ITGA9: variants seen among roughly 807,000 people sequenced by gnomAD.
The protein encoded by ITGA9 is integrin alpha-9.
Under a neutral mutation model 127.8 loss-of-function variants are expected in ITGA9, and 56 were observed. The observed-to-expected ratio is 0.44, with a 90% confidence interval of 0.35 to 0.55. ITGA9 has a LOEUF of 0.55. ITGA9 is among the 20% of genes least tolerant of loss of function. ITGA9 has a pLI of 0.00. For synonymous variants in ITGA9, 508 were observed against 514.5 expected, an observed-to-expected ratio of 0.99 and a Z score of 0.17; for missense variants, 1,196 against 1,347.1, an observed-to-expected ratio of 0.89 and a Z score of 1.76.
At position 37,818,973 on chromosome 3, in the gene ITGA9, T is replaced by C. The variant is rs779091406; in HGVS notation, c.3092T>C (p.Val1031Ala). The C allele has an allele frequency of 4.3e-6, 7 of 1,613,250 alleles. 1 individual carries two copies. In the East Asian group the frequency reaches 1.6e-4, roughly 36 times the overall value. Residue 1031 changes from valine (V) to alanine (A), a missense_variant, in exon 28 of 28, where the codon GTC (valine) becomes GCC (alanine). Transcript: ENST00000264741. The stretch of plus-strand genomic sequence containing the variant: ...GAGAATGAAGACAGTTGGGACTGGG[T>C]CCAGAAAAACCAGTGAGCTGCCACA... Reference protein sequence around the residue: ...RKENEDSWDWVQKNQ With the variant: ...RKENEDSWDWAQKNQ
At chr3:37,786,466 C>T (rs1220185954) in intron 26 of ITGA9, among the ~76,000 whole-genome samples, 1 of 152,064 alleles carries the variant, frequency 6.6e-6, no homozygotes, top group Non-Finnish European at 1.5e-5. Context: ...TGGTGGTAGG[C>T]TCTTGTAATC....
intron 15 of ITGA9, among the ~76,000 whole-genome samples, chr3:37,603,827 G>A (rs1237447870): frequency 6.6e-6 from 1 of 152,160 alleles, no homozygotes. Flanking sequence ...TCCAACCCAA[G>A]GTTTCTGACC....
Position 37,715,669 on chromosome 3 carries a change from C to T in ITGA9, c.2068-17043C>T, listed in dbSNP as rs147454614. 1.6e-3 allele frequency among the ~76,000 whole-genome samples: 237 copies of T among 152,296 alleles called. 1 individual carries two copies. The highest frequency in any genetic ancestry group is 5.4e-3 in the African/African-American group (224 of 41,554). On this transcript the variant is annotated intron_variant, in intron 18 of 27. Coordinates refer to ENST00000264741, the MANE Select transcript of ITGA9 (RefSeq NM_002207.3). ...CTGCTAAGCCATCCTTAATGTTTGG[C>T]GGGTGGATTTCTTTGTTTAAAAAAT...
chr3:37,679,220 A>C (rs7374330), intron 17 of ITGA9, among the ~76,000 whole-genome samples: 1 of 150,690 alleles, frequency 6.6e-6, no homozygotes, highest in African/African-American at 2.4e-5. Flanking sequence ...TTAAAATAAA[A>C]AGGGAAATTT....
chr3:37,694,103 T>C (rs1442430027), intron 18 of ITGA9, among the ~76,000 whole-genome samples: 1 of 152,226 alleles, frequency 6.6e-6, no homozygotes, highest in African/African-American at 2.4e-5. Flanking sequence ...TTGAACTTCC[T>C]GTATAACGCC....
chr3:37,498,777 G>A lies in ITGA9; in HGVS notation c.612+4209G>A, dbSNP rs138185169. ...CTGGCTACTTTGGACTTTGGCCTCC[G>A]CTTCAGTTCCCAGGCTTTTGGCCTC... On this transcript the variant is annotated intron_variant, in intron 5 of 27. Coordinates refer to ENST00000264741, the MANE Select transcript of ITGA9 (RefSeq NM_002207.3). Among the ~76,000 whole-genome samples, 31 of 152,310 alleles carry A rather than the reference G, an allele frequency of 2.0e-4. No homozygotes were observed. The East Asian group carries it at 4.6e-3, about 23-fold the overall frequency.
At chr3:37,732,856 C>A in intron 19 of ITGA9, 58 bp downstream of exon 19, 1 of 1,345,352 alleles carries the variant, frequency 7.4e-7, no homozygotes, top group South Asian at 1.2e-5. Context: ...TTCCACCAGC[C>A]ACTGATTCCG....
chr3:37,789,650 TCCCAGCTA>T (rs1322031431), intron 26 of ITGA9, among the ~76,000 whole-genome samples: 3 of 148,036 alleles, frequency 2.0e-5, no homozygotes, highest in Non-Finnish European at 4.5e-5. Context: ...GCGCCTGTAG[TCCCAGCTA>T]CTCGGGAGGC....
chr3:37,564,954 A>G (rs559840242), intron 15 of ITGA9, among the ~76,000 whole-genome samples: 2 of 152,362 alleles, frequency 1.3e-5, no homozygotes, highest in South Asian at 4.1e-4. Context: ...AAGGGTTTGA[A>G]CAAAATGGGC....
At chr3:37,657,761 T>A (rs1700493311) in intron 17 of ITGA9, among the ~76,000 whole-genome samples, 1 of 152,170 alleles carries the variant, frequency 6.6e-6, no homozygotes, top group Non-Finnish European at 1.5e-5. Flanking sequence ...CTCTTACTTC[T>A]CTAGTTCTTT....
At chr3:37,714,046 C>A (rs1575205154) in intron 18 of ITGA9, among the ~76,000 whole-genome samples, 1 of 152,318 alleles carries the variant, frequency 6.6e-6, no homozygotes, top group East Asian at 1.9e-4. Flanking sequence ...AGCAGGGTGT[C>A]CCCCATCAGG....
At chr3:37,488,324 CTTTT>C (rs529962715) in intron 4 of ITGA9, among the ~76,000 whole-genome samples, 6 of 149,718 alleles carry the variant, frequency 4.0e-5, no homozygotes, top group African/African-American at 1.5e-4. Context: ...TTCAGGGTCA[CTTTT>C]TTTTTTCTGA....
At chr3:37,627,169 G>A (rs1378711158) in intron 15 of ITGA9, among the ~76,000 whole-genome samples, 2 of 152,152 alleles carry the variant, frequency 1.3e-5, no homozygotes, top group African/African-American at 4.8e-5. Context: ...GAAGTCCTGT[G>A]TTTTATTTAT....
At position 37,547,172 on chromosome 3, in the gene ITGA9, C is replaced by T. The variant is rs762673730; in HGVS notation, c.1689+4587C>T. ...CAGACACTGTCAAGAAGGCCAATAA[C>T]GGTATTATTGTTAAAAACAAAACAA... On this transcript the variant is annotated intron_variant, in intron 15 of 27. Transcript: ENST00000264741. Among the ~76,000 whole-genome samples the T allele has an allele frequency of 1.4e-4, 21 of 152,230 alleles. No individual in the cohort carries two copies. In the South Asian group the frequency reaches 2.3e-3, roughly 17 times the overall value.
intron 1 of ITGA9, among the ~76,000 whole-genome samples, chr3:37,463,367 G>T (rs987918116): frequency 6.6e-6 from 1 of 152,186 alleles, no homozygotes; most frequent in Non-Finnish European, 1.5e-5. Context: ...TGGTTCTTCT[G>T]TTCTCTCCAG....
chr3:37,675,611 T>G (rs1303341108), intron 17 of ITGA9, among the ~76,000 whole-genome samples: 1 of 152,160 alleles, frequency 6.6e-6, no homozygotes, highest in African/African-American at 2.4e-5. Context: ...TTGGTGAAAC[T>G]CAAAATTACT....
intron 15 of ITGA9, among the ~76,000 whole-genome samples, chr3:37,622,613 C>T (rs531761553): frequency 1.1e-4 from 17 of 152,124 alleles, no homozygotes; most frequent in African/African-American, 3.9e-4. Context: ...GAGGCCAAGG[C>T]GGGTAGATCA....
intron 15 of ITGA9, among the ~76,000 whole-genome samples, chr3:37,549,583 G>A (rs1354922615): frequency 6.6e-6 from 1 of 152,152 alleles, no homozygotes; most frequent in Non-Finnish European, 1.5e-5. Context: ...TTTAACACTG[G>A]TATTCTTTGA....
intron 1 of ITGA9, among the ~76,000 whole-genome samples, chr3:37,454,643 A>G (rs1205716157): frequency 1.3e-5 from 2 of 152,168 alleles, no homozygotes; most frequent in Non-Finnish European, 2.9e-5. Flanking sequence ...CTGTTCAGGC[A>G]CCAACTTAAC....
Sources: allele counts gnomAD v4.1 joint callset (sites outside exome capture counted in the v4.1 genomes callset), GRCh38; gene constraint gnomAD v4.1.1; transcripts MANE v1.5; gene names NCBI Gene and HGNC (gene_info 2026-07-23, HGNC 2026-07-21).